The following LDB2 variants were observed in gnomAD, a reference collection of about 807,000 sequenced individuals.
LDB2 encodes LIM domain-binding protein 2.
A neutral mutation model predicts 44.3 loss-of-function variants in LDB2; 12 were observed. The ratio of observed to expected loss-of-function variants is 0.27; its 90% CI spans 0.17 to 0.44. LDB2 has a LOEUF of 0.44. Among genes scored for constraint, LDB2 ranks in the 20% least tolerant of loss-of-function variants. The pLI is 1.00. For synonymous variants in LDB2, 164 were observed against 174.8 expected, an observed-to-expected ratio of 0.94 and a Z score of 0.49; for missense variants, 344 against 473.5, an observed-to-expected ratio of 0.73 and a Z score of 2.54.
intron 7 of LDB2, 26 bp downstream of exon 7, chr4:16,508,509 G>A (rs201401941): frequency 3.3e-6 from 5 of 1,507,714 alleles, no homozygotes; most frequent in East Asian, 2.5e-5. Context: ...TTAGGATTTC[G>A]GGCCTAAGAG....
chr4:16,895,120 T>TTA (rs1554067935), intron 1 of LDB2, among the ~76,000 whole-genome samples: 1 of 124,676 alleles, frequency 8.0e-6, no homozygotes, highest in Non-Finnish European at 1.7e-5. Flanking sequence ...TTTTTCATGC[T>TTA]AAAAAAAAAA....
At chr4:16,590,037 A>G (rs1225893552) in intron 3 of LDB2, among the ~76,000 whole-genome samples, 1 of 152,226 alleles carries the variant, frequency 6.6e-6, no homozygotes, top group East Asian at 1.9e-4. Flanking sequence ...TGATAGCGCT[A>G]CAGATAAAAA....
intron 1 of LDB2, among the ~76,000 whole-genome samples, chr4:16,892,530 G>A (rs1260953165): frequency 6.6e-6 from 1 of 152,172 alleles, no homozygotes; most frequent in African/African-American, 2.4e-5. Flanking sequence ...TAAATGCTAT[G>A]TTCTGACACT....
At chr4:16,548,924 G>C (rs1000677651) in intron 5 of LDB2, among the ~76,000 whole-genome samples, 6 of 152,304 alleles carry the variant, frequency 3.9e-5, no homozygotes, top group Middle Eastern at 3.4e-3. Context: ...AGAAGATTAA[G>C]AGCATAGAAC....
At chr4:16,657,676 G>A (rs1740304115) in intron 2 of LDB2, among the ~76,000 whole-genome samples, 1 of 152,154 alleles carries the variant, frequency 6.6e-6, no homozygotes, top group Non-Finnish European at 1.5e-5. Context: ...ACCATATCAA[G>A]CTTATTCCCA....
At position 16,676,683 on chromosome 4, in the gene LDB2, G is replaced by T. The variant is rs76615446; in HGVS notation, c.236-80808C>A. ...AAGTATAGTCCAAATGAGAACTCAG[G>T]AATGAGACACGTTTCAAGGGTGATG... is the stretch of plus-strand genomic sequence containing the variant. On this transcript the variant is annotated intron_variant, in intron 2 of 7. Transcript: ENST00000304523. Among the ~76,000 whole-genome samples the T allele has an allele frequency of 5.4e-3, 820 of 152,340 alleles. 10 individuals are homozygous for T. Among genetic ancestry groups the T allele is most frequent in the African/African-American group, 0.019 (774 of 41,580 alleles).
rs1438358303 is a variant in LDB2, at chr4:16,582,193, A to G, written c.615+3729T>C. ...GAGTGTATTTGTTTTTCTTTCTTAC[A>G]TTCTAGGCAGTGATCACCTTGAGGG... On this transcript the variant is annotated intron_variant, in intron 5 of 7. Transcript: ENST00000304523. The surrounding 1 kb of genome is among the most constrained non-coding windows in gnomAD (Gnocchi z 4.8). Among the ~76,000 whole-genome samples the G allele has an allele frequency of 6.6e-6, 1 of 152,188 alleles. No individual in the cohort carries two copies. Among genetic ancestry groups the G allele is most frequent in the Non-Finnish European group, 1.5e-5 (1 of 68,036 alleles).
At chr4:16,778,888 G>C (rs918640610) in intron 1 of LDB2, among the ~76,000 whole-genome samples, 2 of 152,200 alleles carry the variant, frequency 1.3e-5, no homozygotes, top group African/African-American at 4.8e-5. Flanking sequence ...TAAAGTTAGA[G>C]AACTGAACTA....
At chr4:16,762,720 C>T (rs970629997) in intron 1 of LDB2, among the ~76,000 whole-genome samples, 1 of 152,126 alleles carries the variant, frequency 6.6e-6, no homozygotes, top group Non-Finnish European at 1.5e-5. Flanking sequence ...ACAGCCAAAC[C>T]ATATCATCCT....
intron 2 of LDB2, among the ~76,000 whole-genome samples, chr4:16,628,607 T>C (rs1419246050): frequency 6.6e-6 from 1 of 151,474 alleles, no homozygotes; most frequent in Non-Finnish European, 1.5e-5. Context: ...AGAAAGCCTC[T>C]CTTAAATTTG....
intron 2 of LDB2, among the ~76,000 whole-genome samples, chr4:16,709,080 C>CT (rs1472249467): frequency 7.8e-6 from 1 of 128,136 alleles, no homozygotes. Flanking sequence ...TCTCTCTATG[C>CT]TAGAGAAGCT....
intron 1 of LDB2, among the ~76,000 whole-genome samples, chr4:16,810,319 G>A (rs1319474538): frequency 6.6e-6 from 1 of 152,030 alleles, no homozygotes; most frequent in African/African-American, 2.4e-5. Context: ...TACCCACGGG[G>A]GTCCCTACAA....
At chr4:16,713,969 A>C (rs1394610246) in intron 2 of LDB2, among the ~76,000 whole-genome samples, 1 of 152,206 alleles carries the variant, frequency 6.6e-6, no homozygotes, top group Non-Finnish European at 1.5e-5. Context: ...ATGTTAGGTC[A>C]AGGACACTAG....
intron 1 of LDB2, among the ~76,000 whole-genome samples, chr4:16,778,050 A>G (rs1169044028): frequency 6.6e-6 from 1 of 152,044 alleles, no homozygotes; most frequent in East Asian, 1.9e-4. Context: ...CTTCTATGAC[A>G]CTACCTGGTT....
chr4:16,642,320 G>A (rs868286298), intron 2 of LDB2, among the ~76,000 whole-genome samples: 1 of 151,922 alleles, frequency 6.6e-6, no homozygotes. Context: ...TATACTACAG[G>A]AAAAGGAAAT....
At chr4:16,846,764 G>A (rs1327896719) in intron 1 of LDB2, among the ~76,000 whole-genome samples, 1 of 152,128 alleles carries the variant, frequency 6.6e-6, no homozygotes, top group Non-Finnish European at 1.5e-5. Context: ...GCTCTCCTTT[G>A]TATTAAGATG....
intron 1 of LDB2, among the ~76,000 whole-genome samples, chr4:16,791,391 C>T (rs1418223611): frequency 6.6e-6 from 1 of 151,742 alleles, no homozygotes. Flanking sequence ...CCCGACTCTA[C>T]TAAAAATACA....
At chr4:16,567,383 T>C (rs868228498) in intron 5 of LDB2, among the ~76,000 whole-genome samples, 30 of 59,150 alleles carry the variant, frequency 5.1e-4, no homozygotes, top group East Asian at 3.2e-3. Context: ...TGTGTGTGTG[T>C]GCGCGTGTGT....
At chr4:16,614,796 C>G (rs908932849) in intron 2 of LDB2, among the ~76,000 whole-genome samples, 1 of 151,854 alleles carries the variant, frequency 6.6e-6, no homozygotes, top group African/African-American at 2.4e-5. Flanking sequence ...AACGGCCGGG[C>G]GCGGTGGCTC....
Sources: gnomAD v4.1 joint callset for allele counts (sites outside exome capture counted in the v4.1 genomes callset) on GRCh38, gnomAD v4.1.1 for gene constraint, Gnocchi (gnomAD v3.1) non-coding constraint, MANE v1.5 for transcripts, NCBI Gene and HGNC (gene_info 2026-07-23, HGNC 2026-07-21) for gene names.